Variants in GRK3 observed in about 807,000 individuals in gnomAD.
The protein encoded by GRK3 is adrenergic, beta, receptor kinase 2.
A neutral mutation model predicts 95.7 loss-of-function variants in GRK3; 54 were observed. The ratio of observed to expected loss-of-function variants is 0.56; its 90% CI spans 0.45 to 0.71. The LOEUF (loss-of-function observed/expected upper bound fraction) is 0.71. Among genes scored for constraint, GRK3 ranks in the 30% least tolerant of loss-of-function variants. The probability of loss-of-function intolerance (pLI) is 0.00; values close to 1 mark genes in which losing one functional copy is unlikely to be tolerated. For missense variants in GRK3, 649 were observed against 851.2 expected (o/e 0.76, Z 2.96); for synonymous variants, 281 against 290.8 (o/e 0.97, Z 0.34).
intron 15 of GRK3, among the ~76,000 whole-genome samples, chr22:25,706,291 C>T (rs1213449668): frequency 2.0e-5 from 3 of 152,098 alleles, no homozygotes; most frequent in Non-Finnish European, 2.9e-5. Context: ...GGAAGAAGTA[C>T]GGCGGGTATG....
chr22:25,622,066 C>CA (rs1280231528), intron 2 of GRK3, among the ~76,000 whole-genome samples: 1 of 152,072 alleles, frequency 6.6e-6, no homozygotes, highest in Non-Finnish European at 1.5e-5. Context: ...CTCTCTTTGT[C>CA]AAAATAGCAA....
chr22:25,605,904 T>G (rs1283945842), intron 2 of GRK3, among the ~76,000 whole-genome samples: 6 of 152,238 alleles, frequency 3.9e-5, no homozygotes, highest in Non-Finnish European at 7.3e-5. Context: ...GGATCAGAAC[T>G]TCAGCCTGCT....
At chr22:25,665,718 AAAGTAT>A (rs1244129285) in intron 5 of GRK3, among the ~76,000 whole-genome samples, 44 of 152,242 alleles carry the variant, frequency 2.9e-4, no homozygotes, top group African/African-American at 1.0e-3. Context: ...CATAATGACT[AAAGTAT>A]AAGTAAAAGG....
intron 19 of GRK3, among the ~76,000 whole-genome samples, chr22:25,718,613 A>T (rs2085405702): frequency 6.6e-6 from 1 of 152,232 alleles, no homozygotes; most frequent in Non-Finnish European, 1.5e-5. Context: ...GGTCAGAAGC[A>T]CCACATCATC....
intron 2 of GRK3, among the ~76,000 whole-genome samples, chr22:25,641,597 G>A (rs534575168): frequency 3.8e-4 from 58 of 152,276 alleles, no homozygotes; most frequent in Non-Finnish European, 5.4e-4. Context: ...GAATGGATGC[G>A]AGATAGAGAC....
chr22:25,717,758 C>G (rs1006380454), intron 18 of GRK3, among the ~76,000 whole-genome samples: 1 of 152,078 alleles, frequency 6.6e-6, no homozygotes, highest in Admixed American at 6.6e-5. Context: ...TAACATTAAG[C>G]TGAGGAAGGA....
intron 1 of GRK3, among the ~76,000 whole-genome samples, chr22:25,578,234 C>T (rs1601446996): frequency 1.3e-5 from 2 of 151,934 alleles, no homozygotes; most frequent in African/African-American, 2.4e-5. Context: ...CATACACCTG[C>T]GCCTGACTCC....
At chr22:25,653,330 T>C (rs1202496464) in intron 3 of GRK3, among the ~76,000 whole-genome samples, 1 of 151,924 alleles carries the variant, frequency 6.6e-6, no homozygotes. Context: ...ATGGAAGAGG[T>C]GATATAATAC....
At position 25,724,758 on chromosome 22, in the gene GRK3, G is replaced by A. The variant is rs1460604835; in HGVS notation, c.*2308G>A. Reference sequence around the variant, plus strand: ...AATGTTGTGATGGAGGTGTTTCTGCGACCAGACACAGGATACCGCTGTGTC... The same window carrying A: ...AATGTTGTGATGGAGGTGTTTCTGCAACCAGACACAGGATACCGCTGTGTC... On this transcript the variant is annotated 3_prime_UTR_variant, in exon 21 of 21. Coordinates refer to ENST00000324198, the MANE Select transcript of GRK3 (RefSeq NM_005160.4). The A allele has an allele frequency of 6.6e-6, 1 of 152,112 alleles. No individual in the cohort carries two copies. Among genetic ancestry groups the A allele is most frequent in the Non-Finnish European group, 1.5e-5 (1 of 68,036 alleles). The allele number at this position is 152,112 out of a possible 1,614,324, so 9.4% of individuals were successfully genotyped here.
chr22:25,580,629 G>C (rs150342396), intron 1 of GRK3: 2 of 152,324 alleles, frequency 1.3e-5, no homozygotes, highest in African/African-American at 4.8e-5. Flanking sequence ...CGCCTCCTGA[G>C]TTCAAGCAAT....
chr22:25,572,682 A>G (rs565704604), intron 1 of GRK3, among the ~76,000 whole-genome samples: 2 of 152,280 alleles, frequency 1.3e-5, no homozygotes, highest in South Asian at 4.1e-4. Flanking sequence ...TCAGTGCCTA[A>G]GAGTTGCAAG....
In GRK3 at chr22:25,703,587, T is replaced by A; in HGVS notation, c.1227+11T>A. 9.4e-6 allele frequency: 15 copies of A among 1,596,064 alleles called. No homozygotes were observed. Among genetic ancestry groups the A allele is most frequent in the Non-Finnish European group, 1.2e-5 (14 of 1,163,952 alleles). On this transcript the variant is annotated intron_variant, in intron 14 of 20. Coordinates refer to ENST00000324198, the MANE Select transcript of GRK3 (RefSeq NM_005160.4). ...ATGACACTCACCGTGGTAAGGGGAT[T>A]CAAAACTGTATTCTTGTCTGTATGG...
chr22:25,594,288 G>A (rs1413782008), intron 1 of GRK3, among the ~76,000 whole-genome samples: 6 of 151,882 alleles, frequency 4.0e-5, no homozygotes, highest in Admixed American at 2.6e-4. Context: ...TCTTTCATTG[G>A]TGTTTTGTAG....
At chr22:25,597,287 T>C (rs1480867035) in intron 1 of GRK3, among the ~76,000 whole-genome samples, 1 of 151,738 alleles carries the variant, frequency 6.6e-6, no homozygotes, top group Non-Finnish European at 1.5e-5. Context: ...AGATAGAAAG[T>C]TGGGAAGGGT....
intron 1 of GRK3, among the ~76,000 whole-genome samples, chr22:25,570,316 A>T (rs74791466): frequency 6.6e-6 from 1 of 152,260 alleles, no homozygotes; most frequent in South Asian, 2.1e-4. Context: ...CTCACCCCCC[A>T]AGGCCTCAAA....
At chr22:25,575,160 G>A (rs1343472794) in intron 1 of GRK3, among the ~76,000 whole-genome samples, 1 of 152,106 alleles carries the variant, frequency 6.6e-6, no homozygotes, top group African/African-American at 2.4e-5. Flanking sequence ...CCACATTTCT[G>A]TCCTTTAAGT....
chr22:25,712,358 G>C (rs965995221), intron 17 of GRK3, among the ~76,000 whole-genome samples: 1 of 152,204 alleles, frequency 6.6e-6, no homozygotes, highest in East Asian at 1.9e-4. Context: ...TCTGTAGCCG[G>C]AACCATTGAT....
At chr22:25,641,384 T>G (rs1400821901) in intron 2 of GRK3, among the ~76,000 whole-genome samples, 1 of 152,210 alleles carries the variant, frequency 6.6e-6, no homozygotes, top group African/African-American at 2.4e-5. Context: ...CTTCTACCTT[T>G]CTTCCTTTGT....
chr22:25,604,063 T>C (rs537821678), intron 1 of GRK3, among the ~76,000 whole-genome samples: 23 of 152,202 alleles, frequency 1.5e-4, no homozygotes, highest in Admixed American at 2.6e-4. Flanking sequence ...TGTGTGCATG[T>C]GTTTGTGCGT....
Sources: allele counts gnomAD v4.1 joint callset (sites outside exome capture counted in the v4.1 genomes callset), GRCh38; gene constraint gnomAD v4.1.1; transcripts MANE v1.5; gene names NCBI Gene and HGNC (gene_info 2026-07-23, HGNC 2026-07-21).